Variants in CHSY3 observed in about 807,000 individuals in gnomAD.
The protein encoded by CHSY3 is N-acetylgalactosaminyl-proteoglycan 3-beta-glucuronosyltransferase 3.
CHSY3 carries 35 observed loss-of-function variants against 67.2 expected under a neutral mutation model. The observed-to-expected ratio is 0.52, with a 90% confidence interval of 0.40 to 0.69. The LOEUF is 0.69. CHSY3 is among the 30% of genes least tolerant of loss of function. The pLI, the probability that CHSY3 is intolerant of heterozygous loss-of-function variation, is 0.00. For synonymous variants in CHSY3, 474 were observed against 434.7 expected (o/e 1.09, Z -1.12); for missense variants, 1,069 against 1,138.5 (o/e 0.94, Z 0.88).
intron 2 of CHSY3, among the ~76,000 whole-genome samples, chr5:129,979,442 G>A (rs911237740): frequency 6.6e-6 from 1 of 151,810 alleles, no homozygotes; most frequent in Non-Finnish European, 1.5e-5. Flanking sequence ...TAGAGATTCT[G>A]GCCTTCCTTT....
chr5:130,002,018 C>CT, intron 2 of CHSY3: 1 of 875,378 alleles, frequency 1.1e-6, no homozygotes, highest in Non-Finnish European at 1.4e-6. Context: ...TCTCTAAGTC[C>CT]TTTTTCTGTG....
At chr5:129,988,830 A>G (rs192953995) in intron 2 of CHSY3, among the ~76,000 whole-genome samples, 140 of 152,288 alleles carry the variant, frequency 9.2e-4, no homozygotes, top group African/African-American at 3.3e-3. Flanking sequence ...TTCTAGAAGT[A>G]TAAGTTCATG....
chr5:130,000,031 C>A (rs1389319706), intron 2 of CHSY3, among the ~76,000 whole-genome samples: 1 of 152,096 alleles, frequency 6.6e-6, no homozygotes, highest in Non-Finnish European at 1.5e-5. Context: ...TAAATTTCAG[C>A]ATATCTCAGA....
At position 129,905,432 on chromosome 5, in the gene CHSY3, C is replaced by T. The variant is rs1173724219; in HGVS notation, c.603C>T (p.Gly201=). 6.2e-7 allele frequency: 1 copy of T among 1,611,300 alleles called. No individual in the cohort carries two copies. The highest frequency in any genetic ancestry group is 8.5e-7 in the Non-Finnish European group (1 of 1,179,716). Residue 201 remains glycine, a synonymous_variant, in exon 1 of 3, where the codon GGC becomes GGT. Coordinates refer to ENST00000305031, the MANE Select transcript of CHSY3 (RefSeq NM_175856.5). ...GGACCTGGGCGCGTTTCATCCCGGG[C>T]CGCGTGGAGTTCTTTTCCAGCCAGC... is the stretch of plus-strand genomic sequence containing the variant. ...AQRTWARFIP[G]RVEFFSSQQP...
chr5:129,988,053 T>C (rs4327625), intron 2 of CHSY3, among the ~76,000 whole-genome samples: 91,075 of 152,066 alleles, frequency 0.6, 27,531 homozygotes, highest in African/African-American at 0.67. Flanking sequence ...CCAAGAAATG[T>C]GATAAAATGA....
At chr5:130,139,284 C>T (rs1410763270) in intron 2 of CHSY3, among the ~76,000 whole-genome samples, 1 of 152,070 alleles carries the variant, frequency 6.6e-6, no homozygotes, top group Non-Finnish European at 1.5e-5. Context: ...CCAAGGAGGT[C>T]CGTTTAGCAA....
chr5:130,106,512 A>C (rs1315339632), intron 2 of CHSY3, among the ~76,000 whole-genome samples: 1 of 151,694 alleles, frequency 6.6e-6, no homozygotes, highest in Non-Finnish European at 1.5e-5. Flanking sequence ...ATTCTACTGT[A>C]GGGATACAGA....
At chr5:130,026,077 C>T (rs941175366) in intron 2 of CHSY3, among the ~76,000 whole-genome samples, 1 of 152,142 alleles carries the variant, frequency 6.6e-6, no homozygotes, top group Non-Finnish European at 1.5e-5. Context: ...AAGGAAATTT[C>T]ATAGGAACTT....
chr5:130,136,621 A>C (rs916732862), intron 2 of CHSY3, among the ~76,000 whole-genome samples: 1 of 152,198 alleles, frequency 6.6e-6, no homozygotes, highest in Non-Finnish European at 1.5e-5. Context: ...GAAATTAAAA[A>C]GACAGGACTT....
chr5:130,023,118 A>AT (rs1217761761), intron 2 of CHSY3, among the ~76,000 whole-genome samples: 2 of 151,940 alleles, frequency 1.3e-5, no homozygotes, highest in African/African-American at 2.4e-5. Context: ...GGTCAGAGTG[A>AT]TTTTCACTCT....
chr5:130,086,295 T>C (rs1766621467), intron 2 of CHSY3, among the ~76,000 whole-genome samples: 1 of 152,108 alleles, frequency 6.6e-6, no homozygotes, highest in South Asian at 2.1e-4. Flanking sequence ...TGGGTGCTCC[T>C]GTATTGGGTG....
intron 2 of CHSY3, among the ~76,000 whole-genome samples, chr5:129,925,489 G>A (rs1761072762): frequency 6.6e-6 from 1 of 152,044 alleles, no homozygotes; most frequent in Admixed American, 6.6e-5. Flanking sequence ...GTACAACGTG[G>A]TTTTGATATA....
At chr5:130,049,859 T>C (rs540458971) in intron 2 of CHSY3, among the ~76,000 whole-genome samples, 1 of 152,040 alleles carries the variant, frequency 6.6e-6, no homozygotes, top group South Asian at 2.1e-4. Flanking sequence ...TTCTGCTTCA[T>C]AAAGTTAGTA....
At chr5:130,116,377 C>T (rs1767801547) in intron 2 of CHSY3, among the ~76,000 whole-genome samples, 1 of 152,146 alleles carries the variant, frequency 6.6e-6, no homozygotes, top group African/African-American at 2.4e-5. Context: ...AATATGTTAT[C>T]AAAATAAGTT....
At chr5:130,035,003 C>G (rs10213892) in intron 2 of CHSY3, among the ~76,000 whole-genome samples, 2 of 151,792 alleles carry the variant, frequency 1.3e-5, no homozygotes, top group Non-Finnish European at 2.9e-5. Flanking sequence ...AGAGAACTAA[C>G]AGGGGAAACA....
chr5:130,114,199 G>A (rs1767701172), intron 2 of CHSY3, among the ~76,000 whole-genome samples: 1 of 152,026 alleles, frequency 6.6e-6, no homozygotes, highest in Non-Finnish European at 1.5e-5. Context: ...TAGCTTATAA[G>A]GATAACAAAA....
rs78110723 is a variant in CHSY3, at chr5:130,017,470, G to A, written c.1086+109110G>A. Among the ~76,000 whole-genome samples, 733 of 152,192 alleles carry A rather than the reference G, an allele frequency of 4.8e-3. 5 individuals carry two copies. The highest frequency in any genetic ancestry group is 0.027 in the South Asian group (131 of 4,820). On this transcript the variant is annotated intron_variant, in intron 2 of 2. Transcript: ENST00000305031. ...GTGGGATGGAGGGGTCTGGGGTAGG[G>A]AAGGCTGGGGTAGCGTACTTTCTAA... is the stretch of plus-strand genomic sequence containing the variant.
rs1561557248 is a variant in CHSY3, at chr5:130,143,790, A to ATATATATGTG, written c.1087-40432_1087-40431insGTGTATATAT. On this transcript the variant is annotated intron_variant, in intron 2 of 2. Coordinates refer to ENST00000305031, the MANE Select transcript of CHSY3 (RefSeq NM_175856.5). ...TGTGTATATATATATATGTGTATAT[A>ATATATATGTG]TATATATATATATATGTGTGTATAT... Among the ~76,000 whole-genome samples the ATATATATGTG allele has an allele frequency of 5.4e-4, 45 of 82,680 alleles. 1 individual carries two copies. Among genetic ancestry groups the ATATATATGTG allele is most frequent in the African/African-American group, 2.4e-3 (36 of 15,160 alleles). 54.2% of individuals were successfully genotyped at this position (82,680 alleles called of 152,430 possible).
intron 2 of CHSY3, among the ~76,000 whole-genome samples, chr5:130,159,914 CT>C (rs2149727632): frequency 6.6e-6 from 1 of 152,216 alleles, no homozygotes; most frequent in Non-Finnish European, 1.5e-5. Flanking sequence ...AAGAATATTT[CT>C]AACTAAAAAT....
Sources: gnomAD v4.1 joint callset for allele counts (sites outside exome capture counted in the v4.1 genomes callset) on GRCh38, gnomAD v4.1.1 for gene constraint, MANE v1.5 for transcripts, NCBI Gene and HGNC (gene_info 2026-07-23, HGNC 2026-07-21) for gene names.